The following GMDS variants were observed in gnomAD, a reference collection of about 807,000 sequenced individuals.
GMDS encodes the protein GDP-mannose 4,6 dehydratase.
Under a neutral mutation model 49.9 loss-of-function variants are expected in GMDS, and 20 were observed. The observed-to-expected ratio is 0.40, with a 90% confidence interval of 0.28 to 0.58. The LOEUF is 0.58. Ranked by LOEUF, GMDS falls within the 20% of genes least tolerant of loss-of-function variation. The pLI is 0.42. For synonymous variants in GMDS, 177 were observed against 178.6 expected (o/e 0.99, Z 0.07); for missense variants, 362 against 481.4 (o/e 0.75, Z 2.32).
intron 4 of GMDS, among the ~76,000 whole-genome samples, chr6:2,000,003 T>TA (rs1766659109): frequency 5.1e-5 from 1 of 19,550 alleles, no homozygotes; most frequent in South Asian, 1.6e-3. Context: ...ATATTATATA[T>TA]ATATATTTTT....
In GMDS at chr6:2,214,223, T is replaced by C. The variant is rs144258852; in HGVS notation, c.102+31098A>G. Among the ~76,000 whole-genome samples, 355 of 152,344 alleles carry C rather than the reference T, an allele frequency of 2.3e-3. 3 individuals are homozygous for C. Among genetic ancestry groups the C allele is most frequent in the African/African-American group, 7.1e-3 (294 of 41,574 alleles). On this transcript the variant is annotated intron_variant, in intron 1 of 10. Transcript: ENST00000380815. ...AAACAAAATTAGTCACCATTGGAAA[T>C]TGGTATGAAACCAAGTCATTAAAAA...
At chr6:2,109,099 A>G (rs956401074) in intron 4 of GMDS, among the ~76,000 whole-genome samples, 3 of 152,206 alleles carry the variant, frequency 2.0e-5, no homozygotes, top group Non-Finnish European at 4.4e-5. Context: ...GCAAAGACGG[A>G]TATGTTGACT....
intron 8 of GMDS, among the ~76,000 whole-genome samples, chr6:1,729,338 T>C (rs1046276361): frequency 4.6e-5 from 7 of 152,210 alleles, no homozygotes; most frequent in African/African-American, 1.7e-4. Context: ...TGCACGACTT[T>C]CTTGCCACTG....
intron 9 of GMDS, among the ~76,000 whole-genome samples, chr6:1,647,201 A>G (rs554252165): frequency 6.6e-6 from 1 of 152,340 alleles, no homozygotes; most frequent in East Asian, 1.9e-4. Flanking sequence ...ATGTGGCTTT[A>G]AAGTGGTTTC....
chr6:2,083,990 G>A (rs1456545738), intron 4 of GMDS, among the ~76,000 whole-genome samples: 1 of 152,160 alleles, frequency 6.6e-6, no homozygotes, highest in African/African-American at 2.4e-5. Flanking sequence ...CAAATTATAT[G>A]TCTCAAGGAC....
At chr6:2,087,574 A>C (rs1488935292) in intron 4 of GMDS, among the ~76,000 whole-genome samples, 1 of 152,170 alleles carries the variant, frequency 6.6e-6, no homozygotes, top group African/African-American at 2.4e-5. Context: ...TCACTATTCA[A>C]ATTTAAGGAC....
intron 7 of GMDS, among the ~76,000 whole-genome samples, chr6:1,751,457 C>T (rs1440542569): frequency 6.6e-6 from 1 of 152,226 alleles, no homozygotes; most frequent in Non-Finnish European, 1.5e-5. Context: ...CTCCAGCAAA[C>T]TCCAGCAGAC....
Position 1,624,311 on chromosome 6 carries a change from G to A in GMDS, c.1057-80C>T. On this transcript the variant is annotated intron_variant, in intron 10 of 10. Transcript: ENST00000380815. ...CACCCCACCCCGGGTGTCGGCCCCA[G>A]AGAGGCCTCCGCGTCCCTCGTTCCA... is the stretch of plus-strand genomic sequence containing the variant. 2.2e-6 allele frequency: 3 copies of A among 1,394,306 alleles called. No homozygotes were observed. In the South Asian group the frequency reaches 3.5e-5, roughly 16 times the overall value. 86.4% of individuals were successfully genotyped at this position (1,394,306 alleles called of 1,614,324 possible).
Position 2,002,246 on chromosome 6 carries a change from G to A in GMDS, c.346-41280C>T, listed in dbSNP as rs114591025. On this transcript the variant is annotated intron_variant, in intron 4 of 10. Transcript: ENST00000380815. ...GTTGCGTGCCTACCGCATGTCAGAC[G>A]GTAGTGGCGAAAGACAGTGTCTCTG... Among the ~76,000 whole-genome samples, 1,258 of 152,246 alleles carry A rather than the reference G, an allele frequency of 8.3e-3. 18 individuals are homozygous for A. Among genetic ancestry groups the A allele is most frequent in the African/African-American group, 0.029 (1,206 of 41,542 alleles).
rs1763095356 is a variant in GMDS, at chr6:1,946,847, CCAAGAAG to C, written c.643+13013_643+13019del. Among the ~76,000 whole-genome samples, 4 of 152,282 alleles carry C rather than the reference CCAAGAAG, an allele frequency of 2.6e-5. No individual in the cohort carries two copies. In the South Asian group the frequency reaches 8.3e-4, roughly 32 times the overall value. ...GGCAGCCCTCCTTTGGGCAGGAGTGCCAAGAAGCTCTCTAGGCATGTTTCACAAGGAG... is the reference window on the plus strand; with the variant it reads ...GGCAGCCCTCCTTTGGGCAGGAGTGCCTCTCTAGGCATGTTTCACAAGGAG... On this transcript the variant is annotated intron_variant, in intron 6 of 10. Coordinates refer to ENST00000380815, the MANE Select transcript of GMDS (RefSeq NM_001500.4).
intron 7 of GMDS, among the ~76,000 whole-genome samples, chr6:1,871,223 G>T (rs77848675): frequency 6.6e-6 from 1 of 152,126 alleles, no homozygotes; most frequent in Non-Finnish European, 1.5e-5. Context: ...GTGACTTCTC[G>T]GCCTCACTGT....
intron 7 of GMDS, among the ~76,000 whole-genome samples, chr6:1,824,770 T>C (rs539720201): frequency 4.4e-4 from 67 of 152,326 alleles, no homozygotes; most frequent in South Asian, 8.3e-4. Flanking sequence ...GCCTATTAAG[T>C]ACCTGGTACT....
At chr6:2,065,358 CA>C (rs1407958298) in intron 4 of GMDS, among the ~76,000 whole-genome samples, 3 of 152,182 alleles carry the variant, frequency 2.0e-5, no homozygotes, top group Admixed American at 6.5e-5. Flanking sequence ...CTCTAAAAAG[CA>C]GAGCGCCTCT....
intron 4 of GMDS, among the ~76,000 whole-genome samples, chr6:2,062,482 G>A (rs1214389590): frequency 1.3e-5 from 2 of 152,034 alleles, no homozygotes; most frequent in Admixed American, 1.3e-4. Flanking sequence ...TATTTGTGAA[G>A]ATGCCAAGAA....
chr6:1,728,592 A>C (rs1183522291), intron 8 of GMDS, among the ~76,000 whole-genome samples: 1 of 152,198 alleles, frequency 6.6e-6, no homozygotes, highest in Non-Finnish European at 1.5e-5. Context: ...TTATAATTCA[A>C]TTTTTAAAAA....
intron 1 of GMDS, among the ~76,000 whole-genome samples, chr6:2,184,506 G>T (rs1778692908): frequency 6.6e-6 from 1 of 151,918 alleles, no homozygotes; most frequent in South Asian, 2.1e-4. Context: ...ACTTCTATTT[G>T]TTCTGCCTAG....
Position 1,941,131 on chromosome 6 carries a change from G to A in GMDS, c.644-10901C>T, listed in dbSNP as rs75576160. Among the ~76,000 whole-genome samples, 21 of 152,098 alleles carry A rather than the reference G, an allele frequency of 1.4e-4. No homozygotes were observed. The East Asian group carries it at 3.1e-3, about 22-fold the overall frequency. On this transcript the variant is annotated intron_variant, in intron 6 of 10. Coordinates refer to ENST00000380815, the MANE Select transcript of GMDS (RefSeq NM_001500.4). ...CATTCGATACACTAACAAAACTATC[G>A]GGGAACTAATAAACATGAAATATTT...
intron 7 of GMDS, among the ~76,000 whole-genome samples, chr6:1,785,578 G>A (rs1263856081): frequency 6.6e-6 from 1 of 152,182 alleles, no homozygotes; most frequent in Non-Finnish European, 1.5e-5. Context: ...CATCCTCCCA[G>A]GACAATGACT....
chr6:1,726,077 G>A (rs773691448), intron 9 of GMDS, among the ~76,000 whole-genome samples: 3 of 152,220 alleles, frequency 2.0e-5, no homozygotes, highest in African/African-American at 4.8e-5. Context: ...CTGGGACAGC[G>A]TTGTTAAGTC....
Sources: gnomAD v4.1 joint callset for allele counts (sites outside exome capture counted in the v4.1 genomes callset) on GRCh38, gnomAD v4.1.1 for gene constraint, MANE v1.5 for transcripts, NCBI Gene and HGNC (gene_info 2026-07-23, HGNC 2026-07-21) for gene names.